Variants in CTXND1 observed in about 807,000 individuals in gnomAD.
The protein encoded by CTXND1 is cortexin domain containing 1.
intron 1 of CTXND1, among the ~76,000 whole-genome samples, chr15:80,241,175 G>GC (rs1893561761): frequency 6.6e-6 from 1 of 152,164 alleles, no homozygotes; most frequent in Admixed American, 6.5e-5. Context: ...AGCTGTGTGT[G>GC]CATCTGTGGG....
At chr15:80,247,401 G>C (rs1019170399) in intron 1 of CTXND1, among the ~76,000 whole-genome samples, 7 of 152,072 alleles carry the variant, frequency 4.6e-5, no homozygotes, top group African/African-American at 1.4e-4. Context: ...AAAGTAAAAG[G>C]CTTTGTTGCT....
chr15:80,232,153 A>C (rs765080149), intron 1 of CTXND1, among the ~76,000 whole-genome samples: 47 of 152,274 alleles, frequency 3.1e-4, no homozygotes, highest in South Asian at 1.2e-3. Flanking sequence ...GCGACGTGCA[A>C]CTGATCAATG....
At chr15:80,244,065 G>A (rs1893601301) in intron 1 of CTXND1, among the ~76,000 whole-genome samples, 1 of 152,228 alleles carries the variant, frequency 6.6e-6, no homozygotes, top group Admixed American at 6.5e-5. Flanking sequence ...TGCATCCATG[G>A]AGGGAAGATT....
intron 1 of CTXND1, among the ~76,000 whole-genome samples, chr15:80,231,399 GAAAAGAAAAAAA>G (rs1457830202): frequency 4.2e-5 from 6 of 142,572 alleles, no homozygotes; most frequent in South Asian, 2.3e-4. Flanking sequence ...TAAAAAAAAA[GAAAAGAAAAAAA>G]AAAAGAAAAA....
At chr15:80,247,051 A>G (rs1471722473) in intron 1 of CTXND1, among the ~76,000 whole-genome samples, 2 of 152,112 alleles carry the variant, frequency 1.3e-5, no homozygotes, top group African/African-American at 2.4e-5. Flanking sequence ...CATTTTACCC[A>G]TGAGAAAATT....
chr15:80,222,681 G>A (rs1013621245), intron 1 of CTXND1, among the ~76,000 whole-genome samples: 1 of 152,010 alleles, frequency 6.6e-6, no homozygotes, highest in Non-Finnish European at 1.5e-5. Context: ...ATTCTGCCAA[G>A]TTTCTTGTTT....
At chr15:80,202,107 T>C (rs2041453118) in intron 2 of CTXND1, 93 bp from the exon 3 acceptor site, 3 of 395,664 alleles carry the variant, frequency 7.6e-6, no homozygotes, top group Admixed American at 4.4e-5. Context: ...TCTTATCTGC[T>C]ACCCCTGCAC....
At chr15:80,202,890 G>A (rs148862801) in intron 2 of CTXND1, among the ~76,000 whole-genome samples, 1 of 152,338 alleles carries the variant, frequency 6.6e-6, no homozygotes, top group East Asian at 1.9e-4. Context: ...GGGCAGGTCT[G>A]GACAGCTCTC....
At chr15:80,230,587 G>T (rs974946451) in intron 1 of CTXND1, among the ~76,000 whole-genome samples, 3 of 151,680 alleles carry the variant, frequency 2.0e-5, no homozygotes, top group African/African-American at 7.3e-5. Flanking sequence ...TTTGGGTTTT[G>T]TTTGCCATTC....
chr15:80,245,610 G>A (rs1414139283), intron 1 of CTXND1, among the ~76,000 whole-genome samples: 1 of 152,084 alleles, frequency 6.6e-6, no homozygotes, highest in Admixed American at 6.5e-5. Flanking sequence ...CATTGAGGCA[G>A]CCACAGAGGC....
At chr15:80,216,221 T>C (rs186660466) in intron 1 of CTXND1, among the ~76,000 whole-genome samples, 132 of 152,298 alleles carry the variant, frequency 8.7e-4, no homozygotes, top group African/African-American at 2.9e-3. Flanking sequence ...GTTTTCTGGC[T>C]CTACTCCTGC....
intron 1 of CTXND1, among the ~76,000 whole-genome samples, chr15:80,203,968 G>C (rs1160851877): frequency 1.3e-4 from 20 of 150,586 alleles, no homozygotes; most frequent in Non-Finnish European, 1.0e-4. Context: ...TCAGGAGTTC[G>C]AGACCAGCAT....
At chr15:80,217,766 C>T (rs771652935) in intron 1 of CTXND1, among the ~76,000 whole-genome samples, 11 of 152,044 alleles carry the variant, frequency 7.2e-5, no homozygotes, top group Non-Finnish European at 1.2e-4. Flanking sequence ...AGGCTGGTCT[C>T]GAACTCCTGA....
In CTXND1 at chr15:80,197,592, C is replaced by G. The variant is rs1308116498; in HGVS notation, c.*4178G>C. 1 of 152,238 alleles carries G rather than the reference C, an allele frequency of 6.6e-6. No homozygotes were observed. Among genetic ancestry groups the G allele is most frequent in the Non-Finnish European group, 1.5e-5 (1 of 68,052 alleles). 9.4% of individuals were successfully genotyped at this position (152,238 alleles called of 1,614,324 possible). On this transcript the variant is annotated 3_prime_UTR_variant, in exon 3 of 3. Coordinates refer to ENST00000560778, the MANE Select transcript of CTXND1 (RefSeq NM_001352888.2). The stretch of plus-strand genomic sequence containing the variant: ...CTGGTGTGCCTGAGGCTGTGTGTCC[C>G]TCTGGACACAGGCAACCTGTCTTTG...
In CTXND1 at chr15:80,215,647, A is replaced by G. The variant is rs1015203577; in HGVS notation, c.-217-11907T>C. ...GCTTTTTAGATTTGTTGTCTCATATAGGGCACATTCCTGGGGCATTATCTG... is the reference window on the plus strand; with the variant it reads ...GCTTTTTAGATTTGTTGTCTCATATGGGGCACATTCCTGGGGCATTATCTG... On this transcript the variant is annotated intron_variant, in intron 1 of 2. Coordinates refer to ENST00000560778, the MANE Select transcript of CTXND1 (RefSeq NM_001352888.2). Among the ~76,000 whole-genome samples the G allele has an allele frequency of 1.1e-4, 17 of 152,160 alleles. 1 individual carries two copies. The highest frequency in any genetic ancestry group is 1.9e-4 in the Non-Finnish European group (13 of 68,032).
At chr15:80,212,862 T>G (rs531622031) in intron 1 of CTXND1, among the ~76,000 whole-genome samples, 1 of 152,128 alleles carries the variant, frequency 6.6e-6, no homozygotes, top group Non-Finnish European at 1.5e-5. Flanking sequence ...TAAAAATATG[T>G]GCTACCCTTC....
intron 1 of CTXND1, among the ~76,000 whole-genome samples, chr15:80,241,127 C>T (rs2141463941): frequency 6.6e-6 from 1 of 152,250 alleles, no homozygotes; most frequent in South Asian, 2.1e-4. Flanking sequence ...GAGATGGGGG[C>T]AACTACCGGC....
intron 1 of CTXND1, among the ~76,000 whole-genome samples, chr15:80,221,063 C>T (rs1189745990): frequency 3.9e-5 from 6 of 152,000 alleles, no homozygotes; most frequent in Non-Finnish European, 7.4e-5. Flanking sequence ...CACCCGCCAC[C>T]ACGCTCGACT....
intron 1 of CTXND1, among the ~76,000 whole-genome samples, chr15:80,210,892 A>G (rs1893197070): frequency 6.6e-6 from 1 of 152,186 alleles, no homozygotes; most frequent in Non-Finnish European, 1.5e-5. Flanking sequence ...TGTGCCCACA[A>G]GACCTTTCCT....
Sources: gnomAD v4.1 joint callset for allele counts (sites outside exome capture counted in the v4.1 genomes callset) on GRCh38, gnomAD v4.1.1 for gene constraint, MANE v1.5 for transcripts, NCBI Gene and HGNC (gene_info 2026-07-23, HGNC 2026-07-21) for gene names.